PCDHGB2: variants seen among roughly 807,000 people sequenced by gnomAD.
The protein encoded by PCDHGB2 is protocadherin gamma subfamily B, 2, also known as protocadherin gamma-B2.
A neutral mutation model predicts 59.3 loss-of-function variants in PCDHGB2; 55 were observed. That is an observed-to-expected ratio of 0.93 (90% confidence interval 0.75 to 1.16). The LOEUF is 1.16. Ranked by LOEUF, PCDHGB2 falls within the 50% of genes most tolerant of loss-of-function variation. The pLI is 0.00. For missense variants in PCDHGB2, 1,228 were observed against 1,198.5 expected, an observed-to-expected ratio of 1.02 and a Z score of -0.36; for synonymous variants, 516 against 512.0, an observed-to-expected ratio of 1.01 and a Z score of -0.11.
rs779250544 is a variant in PCDHGB2, at chr5:141,432,639, G to A, written c.2422-62168G>A. The A allele has an allele frequency of 1.2e-6, 2 of 1,613,816 alleles. No homozygotes were observed. Among genetic ancestry groups the A allele is most frequent in the Non-Finnish European group, 1.7e-6 (2 of 1,179,934 alleles). On this transcript the variant is annotated intron_variant, in intron 1 of 3. Coordinates refer to ENST00000522605, the MANE Select transcript of PCDHGB2 (RefSeq NM_018923.3). This position sits in a 1 kb window ranked among gnomAD's most constrained non-coding sequence, Gnocchi z 6.0. Reference sequence around the variant, plus strand: ...GTGGGTCTGCACACGGGCGAGGTGCGCACGGCGCGAGCCCTGCTGGACAGA... The same window carrying A: ...GTGGGTCTGCACACGGGCGAGGTGCACACGGCGCGAGCCCTGCTGGACAGA...
intron 1 of PCDHGB2, chr5:141,408,082 G>C (rs890768118): frequency 2.1e-6 from 3 of 1,417,248 alleles, no homozygotes; most frequent in Non-Finnish European, 1.9e-6. Flanking sequence ...TCCCAGCACA[G>C]CGGATTGCCA....
chr5:141,404,072 C>G, intron 1 of PCDHGB2: 3 of 1,613,626 alleles, frequency 1.9e-6, no homozygotes, highest in Non-Finnish European at 2.5e-6. Context: ...TGCTCATGAC[C>G]GAGACTCCGG....
At position 141,360,134 on chromosome 5, in the gene PCDHGB2, A is replaced by T. The variant is rs773035416; in HGVS notation, c.-2A>T. 1 of 1,591,326 alleles carries T rather than the reference A, an allele frequency of 6.3e-7. No individual in the cohort carries two copies. The highest frequency in any genetic ancestry group is 8.6e-7 in the Non-Finnish European group (1 of 1,166,910). On this transcript the variant is annotated 5_prime_UTR_variant, in exon 1 of 4. The change creates a new upstream start codon in the 5' untranslated region. Transcript: ENST00000522605. ...GGGCAAAGGAGCAAAGGGAGCCAGA[A>T]GATGAAAGCGAGCTCAGGGAGGTGC...
In PCDHGB2 at chr5:141,511,251, A is replaced by T. The variant is rs780892899; in HGVS notation, c.*78A>T. 2.0e-5 allele frequency: 32 copies of T among 1,571,672 alleles called. No homozygotes were observed. Among genetic ancestry groups the T allele is most frequent in the Non-Finnish European group, 2.6e-5 (30 of 1,158,828 alleles). ...TTCTCCTTACCTGCACCCAGGCCTC[A>T]GAGTTTCAGGGCTAACCCCCAGAAT... On this transcript the variant is annotated 3_prime_UTR_variant, in exon 4 of 4. Transcript: ENST00000522605.
intron 1 of PCDHGB2, chr5:141,384,749 T>C (rs781370362): frequency 5.0e-6 from 8 of 1,613,822 alleles, no homozygotes; most frequent in Non-Finnish European, 4.2e-6. Flanking sequence ...CCAGGACTCT[T>C]TGCGGTTGGG....
chr5:141,468,049 G>C (rs2099156671), intron 1 of PCDHGB2, among the ~76,000 whole-genome samples: 1 of 152,068 alleles, frequency 6.6e-6, no homozygotes, highest in African/African-American at 2.4e-5. Context: ...ACTAAGCCGG[G>C]CACAGTGGCT....
chr5:141,414,726 C>G (rs761022941), intron 1 of PCDHGB2: 5 of 1,614,196 alleles, frequency 3.1e-6, no homozygotes, highest in Non-Finnish European at 4.2e-6. Context: ...ACACTGGCGT[C>G]CTGTATGCAC....
rs114492681 is a variant in PCDHGB2, at chr5:141,408,401, C to A, written c.2421+45845C>A. 1.5e-3 allele frequency: 2,364 copies of A among 1,614,010 alleles called. 32 individuals are homozygous for A. The African/African-American group carries it at 0.028, about 19-fold the overall frequency. On this transcript the variant is annotated intron_variant, in intron 1 of 3. Coordinates refer to ENST00000522605, the MANE Select transcript of PCDHGB2 (RefSeq NM_018923.3). ...CCTGGATGTGTCGGCTCGCAAGCTG[C>A]GAGTGAGCGCGGAGAAGCTGCACTT...
In PCDHGB2 at chr5:141,476,466, A is replaced by C. The variant is rs771760524; in HGVS notation, c.2422-18341A>C. The C allele has an allele frequency of 6.2e-7, 1 of 1,613,996 alleles. No individual in the cohort carries two copies. Reference sequence around the variant, plus strand: ...GAGTTGGTAGTGGAGAACCCGCTGGAGCTGTTCAGCGTGGAAGTGGTGATC... The same window carrying C: ...GAGTTGGTAGTGGAGAACCCGCTGGCGCTGTTCAGCGTGGAAGTGGTGATC... On this transcript the variant is annotated intron_variant, in intron 1 of 3. Transcript: ENST00000522605. This position sits in a 1 kb window ranked among gnomAD's most constrained non-coding sequence, Gnocchi z 7.6.
In PCDHGB2 at chr5:141,393,139, T is replaced by A. The variant is rs753058672; in HGVS notation, c.2421+30583T>A. 1.2e-6 allele frequency: 2 copies of A among 1,613,322 alleles called. No individual in the cohort carries two copies. The highest frequency in any genetic ancestry group is 3.3e-5 in the Admixed American group (2 of 60,032). ...CGGTGTCTGATAAATATTAACACCC[T>A]GGTTGAGGATAAAGGAAAACTCTTT... On this transcript the variant is annotated intron_variant, in intron 1 of 3. Coordinates refer to ENST00000522605, the MANE Select transcript of PCDHGB2 (RefSeq NM_018923.3).
At chr5:141,481,963 TA>T (rs1158466251) in intron 1 of PCDHGB2, among the ~76,000 whole-genome samples, 1 of 148,746 alleles carries the variant, frequency 6.7e-6, no homozygotes, top group Non-Finnish European at 1.5e-5. Context: ...CAGGTGCCTG[TA>T]GTCACAGCTA....
chr5:141,366,183 C>A, intron 1 of PCDHGB2: 6 of 1,613,986 alleles, frequency 3.7e-6, no homozygotes, highest in Non-Finnish European at 5.1e-6. Context: ...GGACTCTTTG[C>A]GGTTGGGCTG....
chr5:141,471,786 A>AT (rs531568169), intron 1 of PCDHGB2, among the ~76,000 whole-genome samples: 23 of 152,362 alleles, frequency 1.5e-4, no homozygotes, highest in African/African-American at 5.5e-4. Flanking sequence ...ACATTATGCT[A>AT]TGTCATATAA....
chr5:141,494,546 G>T (rs984336435), intron 1 of PCDHGB2, among the ~76,000 whole-genome samples: 1 of 152,152 alleles, frequency 6.6e-6, no homozygotes, highest in African/African-American at 2.4e-5. Context: ...GGAGGAAGGG[G>T]CCATTTCTTT....
chr5:141,419,206 G>T, intron 1 of PCDHGB2: 1 of 1,613,876 alleles, frequency 6.2e-7, no homozygotes, highest in Non-Finnish European at 8.5e-7. Flanking sequence ...ATGACAACGC[G>T]CCGGTTTTCG....
intron 1 of PCDHGB2, chr5:141,441,743 C>T (rs1298220876): frequency 1.4e-5 from 5 of 367,166 alleles, no homozygotes; most frequent in Non-Finnish European, 2.2e-5. Context: ...AGCTCGCGCT[C>T]GGCGTCAACG....
At chr5:141,433,360 T>C (rs1313053553) in intron 1 of PCDHGB2, 46 of 298,056 alleles carry the variant, frequency 1.5e-4, no homozygotes, top group Non-Finnish European at 2.5e-4. Context: ...ACTGTCTGCC[T>C]ATCTATCTAT....
chr5:141,394,802 C>A, intron 1 of PCDHGB2: 1 of 1,613,810 alleles, frequency 6.2e-7, no homozygotes, highest in East Asian at 2.2e-5. Context: ...TCACCGTAGC[C>A]GTGGCTGACA....
At chr5:141,469,543 C>T (rs1031152008) in intron 1 of PCDHGB2, among the ~76,000 whole-genome samples, 1 of 152,040 alleles carries the variant, frequency 6.6e-6, no homozygotes, top group Non-Finnish European at 1.5e-5. Context: ...CCACTGCACT[C>T]CAGCCTGGCG....
Sources: gnomAD v4.1 joint callset for allele counts (sites outside exome capture counted in the v4.1 genomes callset) on GRCh38, gnomAD v4.1.1 for gene constraint, Gnocchi (gnomAD v3.1) non-coding constraint, MANE v1.5 for transcripts, NCBI Gene and HGNC (gene_info 2026-07-23, HGNC 2026-07-21) for gene names.